DHCR24: variants seen among roughly 807,000 people sequenced by gnomAD.
DHCR24 encodes delta(24)-sterol reductase.
A neutral mutation model predicts 61.2 loss-of-function variants in DHCR24; 28 were observed. The ratio of observed to expected loss-of-function variants is 0.46; its 90% CI spans 0.34 to 0.63. DHCR24 has a LOEUF of 0.63. Among genes scored for constraint, DHCR24 ranks in the 20% least tolerant of loss-of-function variants. The probability of loss-of-function intolerance (pLI) is 0.01; values close to 1 mark genes in which losing one functional copy is unlikely to be tolerated. For synonymous variants in DHCR24, 261 were observed against 275.9 expected (o/e 0.95, Z 0.54); for missense variants, 538 against 679.1 (o/e 0.79, Z 2.31).
chr1:54,875,456 T>C (rs1353002826), intron 3 of DHCR24, among the ~76,000 whole-genome samples: 2 of 152,044 alleles, frequency 1.3e-5, no homozygotes, highest in Admixed American at 6.5e-5. Flanking sequence ...TCAAGTGTAC[T>C]CACACCTCAC....
At position 54,883,251 on chromosome 1, in the gene DHCR24, G is replaced by C. The variant is rs1466335718; in HGVS notation, c.387+367C>G. Among the ~76,000 whole-genome samples, 3 of 152,134 alleles carry C rather than the reference G, an allele frequency of 2.0e-5. No individual in the cohort carries two copies. The East Asian group carries it at 5.8e-4, about 29-fold the overall frequency. On this transcript the variant is annotated intron_variant, in intron 2 of 8. Transcript: ENST00000371269. The surrounding 1 kb of genome is among the most constrained non-coding windows in gnomAD (Gnocchi z 4.3). ...CATTTCGAAGGCTATTAAACAAGAG[G>C]GTTTCCAGGAAGCTTGTAACAAGAC... is the stretch of plus-strand genomic sequence containing the variant.
chr1:54,857,431 C>T (rs1646913477), intron 6 of DHCR24, among the ~76,000 whole-genome samples: 1 of 152,214 alleles, frequency 6.6e-6, no homozygotes, highest in South Asian at 2.1e-4. Context: ...CTGTGTTAGC[C>T]AACCGCTTAT....
chr1:54,862,555 T>C (rs1163213523), intron 6 of DHCR24, among the ~76,000 whole-genome samples: 1 of 152,110 alleles, frequency 6.6e-6, no homozygotes, highest in African/African-American at 2.4e-5. Flanking sequence ...TAGTTCCTCC[T>C]CCCCTAACCT....
At chr1:54,871,295 T>C (rs1646997413) in intron 5 of DHCR24, 55 bp downstream of exon 5, 1 of 1,608,716 alleles carries the variant, frequency 6.2e-7, no homozygotes, top group African/African-American at 1.3e-5. Flanking sequence ...GGCTCAGTCC[T>C]AGCACACTCA....
At position 54,883,690 on chromosome 1, in the gene DHCR24, C is replaced by T; in HGVS notation, c.315G>A (p.Gly105=). 1.2e-6 allele frequency: 2 copies of T among 1,614,216 alleles called. No homozygotes were observed. Among genetic ancestry groups the T allele is most frequent in the South Asian group, 1.1e-5 (1 of 91,086 alleles). ...TGTTTTTGTGTGTCTTCTTGTACTTCCCGACACGTAGTGAGACAGTGAGCC... is the reference window on the plus strand; with the variant it reads ...TGTTTTTGTGTGTCTTCTTGTACTTTCCGACACGTAGTGAGACAGTGAGCC... ...PGWLTVSLRV[G]KYKKTHKNIM... is the part of the protein sequence containing the mutation. Residue 105 remains glycine (G), a synonymous_variant, in exon 2 of 9, where the codon GGG becomes GGA. Transcript: ENST00000371269. This position sits in a 1 kb window ranked among gnomAD's most constrained non-coding sequence, Gnocchi z 4.3.
chr1:54,853,308 G>C, intron 8 of DHCR24, 126 bp downstream of exon 8: 1 of 1,231,456 alleles, frequency 8.1e-7, no homozygotes, highest in Non-Finnish European at 1.2e-6. Flanking sequence ...CACAGCTGCA[G>C]GGGCCCTAAG....
At position 54,850,017 on chromosome 1, in the gene DHCR24, G is replaced by A. The variant is rs1033052119; in HGVS notation, c.*2216C>T. ...TCCAAAACCATCACATGGATGGCCA[G>A]GGACAGGACTGGCTACAAAAAAAAG... On this transcript the variant is annotated 3_prime_UTR_variant, in exon 9 of 9. Transcript: ENST00000371269. 6.6e-6 allele frequency: 1 copy of A among 152,326 alleles called. No homozygotes were observed. The allele number at this position is 152,326 out of a possible 1,614,324, so 9.4% of individuals were successfully genotyped here.
At chr1:54,869,867 C>T (rs954875364) in intron 5 of DHCR24, among the ~76,000 whole-genome samples, 1 of 152,042 alleles carries the variant, frequency 6.6e-6, no homozygotes, top group Non-Finnish European at 1.5e-5. Flanking sequence ...ACCAGCCTAG[C>T]CAACACGGTG....
intron 4 of DHCR24, among the ~76,000 whole-genome samples, chr1:54,873,587 C>T (rs915657558): frequency 2.6e-5 from 4 of 152,162 alleles, no homozygotes; most frequent in East Asian, 1.9e-4. Flanking sequence ...GGACAAGATG[C>T]GGAAGTGGAA....
intron 6 of DHCR24, among the ~76,000 whole-genome samples, chr1:54,860,543 CA>C (rs1183770112): frequency 6.6e-6 from 1 of 152,158 alleles, no homozygotes; most frequent in African/African-American, 2.4e-5. Flanking sequence ...GCCCAGAAAC[CA>C]ACCTCAGAAA....
intron 6 of DHCR24, among the ~76,000 whole-genome samples, chr1:54,864,010 G>A (rs1268553894): frequency 6.6e-6 from 1 of 152,104 alleles, no homozygotes; most frequent in East Asian, 1.9e-4. Flanking sequence ...CACCAGAATG[G>A]CTATAATAAT....
chr1:54,872,924 G>A (rs1430466639), intron 4 of DHCR24, among the ~76,000 whole-genome samples: 1 of 152,144 alleles, frequency 6.6e-6, no homozygotes, highest in Non-Finnish European at 1.5e-5. Context: ...AAGGAGTCGG[G>A]TGGCTCCCTG....
rs1426491702 is a variant in DHCR24, at chr1:54,887,147, G to A, written c.-28C>T. 3 of 1,536,490 alleles carry A rather than the reference G, an allele frequency of 2.0e-6. No individual in the cohort carries two copies. The highest frequency in any genetic ancestry group is 2.4e-5 in the South Asian group (2 of 83,968). ...TGCGGCGCCGCGCGGTAAGCGCTGC[G>A]GGTTCGCGCCTCCTGTCACTGCCGC... is the stretch of plus-strand genomic sequence containing the variant. On this transcript the variant is annotated 5_prime_UTR_variant, in exon 1 of 9. Coordinates refer to ENST00000371269, the MANE Select transcript of DHCR24 (RefSeq NM_014762.4).
At chr1:54,875,388 G>C (rs1456887955) in intron 3 of DHCR24, among the ~76,000 whole-genome samples, 177 bp from the exon 4 acceptor site, 1 of 152,084 alleles carries the variant, frequency 6.6e-6, no homozygotes, top group Non-Finnish European at 1.5e-5. Flanking sequence ...AGGGAAGGAG[G>C]GGCTCAGATG....
chr1:54,860,121 T>C (rs11206455), intron 6 of DHCR24, among the ~76,000 whole-genome samples: 69,602 of 152,084 alleles, frequency 0.46, 18,203 homozygotes, highest in South Asian at 0.65. Flanking sequence ...CTTAAGATAC[T>C]TGCCCAATGT....
intron 5 of DHCR24, among the ~76,000 whole-genome samples, chr1:54,865,801 C>T (rs1269161777): frequency 2.0e-5 from 3 of 149,946 alleles, no homozygotes; most frequent in Non-Finnish European, 3.0e-5. Flanking sequence ...CTCCCTCCCT[C>T]CCTTCCCACC....
In DHCR24 at chr1:54,871,566, C is replaced by A. The variant is rs764798976; in HGVS notation, c.660G>T (p.Thr220=). 1.2e-6 allele frequency: 2 copies of A among 1,614,060 alleles called. No homozygotes were observed. The highest frequency in any genetic ancestry group is 1.7e-6 in the Non-Finnish European group (2 of 1,180,044). ...TCTCAGCGGCCACCAGGAAACCCAG[C>A]GTCCCACAGGACCAGGGTACGGCAT... ...LFYAVPWSCG[T]LGFLVAAEIR... is the part of the protein sequence containing the mutation. The change falls in exon 5 of 9, where the codon ACG becomes ACT. Residue 220 remains threonine, a synonymous_variant. Coordinates refer to ENST00000371269, the MANE Select transcript of DHCR24 (RefSeq NM_014762.4).
intron 5 of DHCR24, among the ~76,000 whole-genome samples, chr1:54,869,919 G>T (rs1307158225): frequency 6.6e-6 from 1 of 152,038 alleles, no homozygotes; most frequent in East Asian, 1.9e-4. Flanking sequence ...GGCAGGCATG[G>T]TGGTGCATGC....
chr1:54,867,906 G>C (rs1317332972), intron 5 of DHCR24, among the ~76,000 whole-genome samples: 1 of 152,190 alleles, frequency 6.6e-6, no homozygotes, highest in Non-Finnish European at 1.5e-5. Context: ...AGCAATGTTT[G>C]CATAGTGCTA....
Sources: gnomAD v4.1 joint callset for allele counts (sites outside exome capture counted in the v4.1 genomes callset) on GRCh38, gnomAD v4.1.1 for gene constraint, Gnocchi (gnomAD v3.1) non-coding constraint, MANE v1.5 for transcripts, NCBI Gene and HGNC (gene_info 2026-07-23, HGNC 2026-07-21) for gene names.